SMCO2: variants seen among roughly 807,000 people sequenced by gnomAD.
SMCO2 encodes single-pass membrane protein with coiled-coil domains 2, also known as single-pass membrane and coiled-coil domain-containing protein 2.
A neutral mutation model predicts 29.5 loss-of-function variants in SMCO2; 25 were observed. That is an observed-to-expected ratio of 0.85 (90% CI 0.62 to 1.18). The LOEUF is 1.18. Among genes scored for constraint, SMCO2 ranks in the 50% most tolerant of loss-of-function variants. The pLI is 0.00. For synonymous variants in SMCO2, 117 were observed against 123.3 expected, an observed-to-expected ratio of 0.95 and a Z score of 0.34; for missense variants, 348 against 344.5, an observed-to-expected ratio of 1.01 and a Z score of -0.08.
intron 7 of SMCO2, among the ~76,000 whole-genome samples, chr12:27,501,145 G>C (rs1455818734): frequency 6.7e-6 from 1 of 150,306 alleles, no homozygotes; most frequent in Non-Finnish European, 1.5e-5. Context: ...GGCCGGGCGC[G>C]GTGGCTCACG....
chr12:27,449,817 TC>T, the SMCO2 span, among the ~76,000 whole-genome samples: 3 of 152,190 alleles, frequency 2.0e-5, no homozygotes, highest in Non-Finnish European at 2.9e-5. Context: ...AGGCCAGTTT[TC>T]CCCCATTAGA....
Position 27,474,785 on chromosome 12 carries a change from G to C in SMCO2, c.235-1G>C, listed in dbSNP as rs1462010579. 1 of 1,551,508 alleles carries C rather than the reference G, an allele frequency of 6.4e-7. No individual in the cohort carries two copies. The highest frequency in any genetic ancestry group is 1.2e-5 in the South Asian group (1 of 84,030). On this transcript the variant is annotated splice_acceptor_variant, in intron 3 of 7. Coordinates refer to ENST00000298876, the Ensembl canonical transcript of SMCO2. LOFTEE classifies it high-confidence loss of function. ...TTTGCTTCCATCATCATCTTTACCA[G>C]GGTATGTTGGAGCTAGAGGCTGAGC...
At chr12:27,437,071 A>G in the SMCO2 span, among the ~76,000 whole-genome samples, 1 of 152,206 alleles carries the variant, frequency 6.6e-6, no homozygotes, top group African/African-American at 2.4e-5. Flanking sequence ...AATCACCAAA[A>G]AAGAAACATA....
At chr12:27,482,092 T>G (rs1949648562) in intron 4 of SMCO2, among the ~76,000 whole-genome samples, 1 of 152,106 alleles carries the variant, frequency 6.6e-6, no homozygotes, top group South Asian at 2.1e-4. Flanking sequence ...AGGTGAACTT[T>G]AGGTCATTGA....
At chr12:27,478,635 G>A (rs1949612101) in intron 4 of SMCO2, among the ~76,000 whole-genome samples, 1 of 152,110 alleles carries the variant, frequency 6.6e-6, no homozygotes, top group South Asian at 2.1e-4. Context: ...AGGCTGGGCA[G>A]GCTGGTCCCT....
chr12:27,455,822 G>A, the SMCO2 span, among the ~76,000 whole-genome samples: 3 of 152,202 alleles, frequency 2.0e-5, no homozygotes, highest in African/African-American at 7.2e-5. Context: ...TGAAGAAGAT[G>A]TATGAGACTA....
chr12:27,449,622 A>C, the SMCO2 span, among the ~76,000 whole-genome samples: 1 of 152,188 alleles, frequency 6.6e-6, no homozygotes, highest in East Asian at 1.9e-4. Context: ...ACACCCAAGG[A>C]TTTATACAGA....
chr12:27,484,080 T>C (rs1949667270), intron 4 of SMCO2, among the ~76,000 whole-genome samples: 1 of 152,230 alleles, frequency 6.6e-6, no homozygotes, highest in Non-Finnish European at 1.5e-5. Context: ...TTTCCTCTTG[T>C]TGAAGGGCTT....
the SMCO2 span, among the ~76,000 whole-genome samples, chr12:27,447,870 C>A: frequency 6.6e-6 from 1 of 152,144 alleles, no homozygotes; most frequent in Non-Finnish European, 1.5e-5. Context: ...GATGTACTTT[C>A]TCTGGACTTA....
chr12:27,469,868 A>G (rs1949527270), intron 1 of SMCO2, among the ~76,000 whole-genome samples: 1 of 152,204 alleles, frequency 6.6e-6, no homozygotes, highest in Non-Finnish European at 1.5e-5. Flanking sequence ...CGCCTATCAG[A>G]CTGGAAGGAA....
At chr12:27,487,457 T>C (rs1441181207) in intron 4 of SMCO2, among the ~76,000 whole-genome samples, 2 of 152,238 alleles carry the variant, frequency 1.3e-5, no homozygotes, top group Non-Finnish European at 2.9e-5. Context: ...ATGCAGTGTG[T>C]TTAACCATTC....
At chr12:27,464,563 A>C (rs1399851666), upstream of SMCO2, among the ~76,000 whole-genome samples, 1 of 151,726 alleles carries the variant, frequency 6.6e-6, no homozygotes, top group Non-Finnish European at 1.5e-5. Context: ...AAAAAGATAC[A>C]AAAGTTAGCC....
At chr12:27,464,716 C>CAAAAA (rs767874837), upstream of SMCO2, among the ~76,000 whole-genome samples, 22 of 46,112 alleles carry the variant, frequency 4.8e-4, no homozygotes, top group African/African-American at 1.7e-3. Flanking sequence ...GACCCTGTCT[C>CAAAAA]AAAAAAAAAA....
intron 3 of SMCO2, among the ~76,000 whole-genome samples, chr12:27,473,746 T>A (rs1407784262): frequency 1.3e-5 from 2 of 152,234 alleles, no homozygotes; most frequent in Admixed American, 1.3e-4. Flanking sequence ...GAAACTGATC[T>A]ATTCTCCCTC....
chr12:27,476,119 A>G (rs979811316), intron 4 of SMCO2, among the ~76,000 whole-genome samples: 16 of 152,168 alleles, frequency 1.1e-4, no homozygotes, highest in East Asian at 1.9e-4. Flanking sequence ...CCTTGACCCA[A>G]TGGTCATTCA....
the SMCO2 span, among the ~76,000 whole-genome samples, chr12:27,455,598 C>T: frequency 3.9e-5 from 6 of 152,126 alleles, no homozygotes; most frequent in East Asian, 1.9e-4. Flanking sequence ...ACCAAATCTA[C>T]GTATAGGTAT....
chr12:27,432,989 T>C, the SMCO2 span, among the ~76,000 whole-genome samples: 1 of 152,242 alleles, frequency 6.6e-6, no homozygotes, highest in Admixed American at 6.5e-5. Context: ...AATAGTATTA[T>C]TGAAGCAGTT....
chr12:27,493,345 A>G (rs1942952787), intron 5 of SMCO2, among the ~76,000 whole-genome samples: 1 of 152,130 alleles, frequency 6.6e-6, no homozygotes, highest in East Asian at 1.9e-4. Flanking sequence ...AGTTAAAAAA[A>G]AAGAGAAAGA....
At chr12:27,473,372 G>T (rs1949557872) in intron 3 of SMCO2, among the ~76,000 whole-genome samples, 1 of 152,024 alleles carries the variant, frequency 6.6e-6, no homozygotes, top group Admixed American at 6.5e-5. Flanking sequence ...TCCTCACATG[G>T]TCTTCTCTTT....
Sources: allele counts gnomAD v4.1 joint callset (sites outside exome capture counted in the v4.1 genomes callset), GRCh38; gene constraint gnomAD v4.1.1; transcripts MANE v1.5; gene names NCBI Gene and HGNC (gene_info 2026-07-23, HGNC 2026-07-21).